HS2ST1: variants seen among roughly 807,000 people sequenced by gnomAD.
The protein encoded by HS2ST1 is 2-O-sulfotransferase.
Under a neutral mutation model 42.9 loss-of-function variants are expected in HS2ST1, and 18 were observed. The observed-to-expected ratio is 0.42, with a 90% CI of 0.29 to 0.62. HS2ST1 has a LOEUF of 0.62. HS2ST1 is among the 20% of genes least tolerant of loss of function. HS2ST1 has a pLI of 0.21. For missense variants in HS2ST1, 334 were observed against 433.8 expected, an observed-to-expected ratio of 0.77 and a Z score of 2.04; for synonymous variants, 146 against 152.9, an observed-to-expected ratio of 0.95 and a Z score of 0.33.
rs921143244 is a variant in HS2ST1 at position 87,107,912 on chromosome 1, T to C, written c.*3216T>C. ...ATGCATTTGTGCAACTTCAAACATA[T>C]TGGGTGCTTCTGAATTCCTGATGAT... On this transcript the variant is annotated 3_prime_UTR_variant, in exon 7 of 7. Transcript: ENST00000370550. 6.6e-6 allele frequency: 1 copy of C among 152,194 alleles called. No individual in the cohort carries two copies. The highest frequency in any genetic ancestry group is 2.1e-4 in the South Asian group (1 of 4,822). The allele number at this position is 152,194 out of a possible 1,614,324, so 9.4% of individuals were successfully genotyped here. A position where few individuals can be genotyped will look rare whatever the true frequency, so the allele number is the denominator to read the frequency against.
intron 1 of HS2ST1, among the ~76,000 whole-genome samples, chr1:86,945,673 A>G (rs1647310857): frequency 6.6e-6 from 1 of 152,240 alleles, no homozygotes; most frequent in East Asian, 1.9e-4. Context: ...GGGAAGAACC[A>G]TGATTATGAA....
At chr1:86,981,540 T>C (rs552653058) in intron 1 of HS2ST1, among the ~76,000 whole-genome samples, 2 of 152,172 alleles carry the variant, frequency 1.3e-5, no homozygotes, top group Non-Finnish European at 2.9e-5. Flanking sequence ...CATTGCAACT[T>C]GGAGAAATTG....
intron 1 of HS2ST1, among the ~76,000 whole-genome samples, chr1:86,944,745 G>A (rs1037248222): frequency 6.6e-6 from 1 of 151,996 alleles, no homozygotes; most frequent in Non-Finnish European, 1.5e-5. Context: ...AAATGCTGTG[G>A]TGTGCCTTTT....
intron 1 of HS2ST1, among the ~76,000 whole-genome samples, chr1:87,028,948 A>G (rs139028990): frequency 6.6e-6 from 1 of 152,326 alleles, no homozygotes; most frequent in African/African-American, 2.4e-5. Flanking sequence ...AGTTTGCCCT[A>G]GTGTTCTATT....
At chr1:87,016,102 G>A (rs951433896) in intron 1 of HS2ST1, among the ~76,000 whole-genome samples, 3 of 151,982 alleles carry the variant, frequency 2.0e-5, no homozygotes, top group African/African-American at 7.3e-5. Context: ...GGTGTGAGCC[G>A]CTGTGCCCGG....
At position 86,914,670 on chromosome 1, in the gene HS2ST1, G is replaced by T. The variant is rs531801974; in HGVS notation, c.-367G>T. 58 of 227,344 alleles carry T rather than the reference G, an allele frequency of 2.6e-4. No homozygotes were observed. Among genetic ancestry groups the T allele is most frequent in the Non-Finnish European group, 4.1e-4 (47 of 114,408 alleles). 14.1% of individuals were successfully genotyped at this position (227,344 alleles called of 1,614,324 possible). ...CGCCGGTGGAGGGGCGCGCGGCCGC[G>T]AGCAAAGGAGGGAGGGAAGGAAGGA... On this transcript the variant is annotated 5_prime_UTR_variant, in exon 1 of 7. Transcript: ENST00000370550.
At chr1:86,974,646 T>C (rs1275298634) in intron 1 of HS2ST1, among the ~76,000 whole-genome samples, 3 of 152,168 alleles carry the variant, frequency 2.0e-5, no homozygotes. Context: ...CTTTAAGCTG[T>C]GGGTTCTGCA....
chr1:87,073,153 T>A lies in HS2ST1; in HGVS notation c.344T>A (p.Val115Glu), dbSNP rs372236373. 2 of 1,607,582 alleles carry A rather than the reference T, an allele frequency of 1.2e-6. No individual in the cohort carries two copies. Among genetic ancestry groups the A allele is most frequent in the Non-Finnish European group, 1.7e-6 (2 of 1,174,066 alleles). Reference protein sequence around the residue: ...LHINTTKNNPVMSLQDQVRFV... With the variant: ...LHINTTKNNPEMSLQDQVRFV... ...ATCAACACTACCAAAAATAATCCAGTGATGTCATTGCAAGATCAGGTAATT... is the reference window on the plus strand; with the variant it reads ...ATCAACACTACCAAAAATAATCCAGAGATGTCATTGCAAGATCAGGTAATT... Residue 115 changes from valine (V) to glutamate (E), a missense_variant, in exon 2 of 7, where the codon GTG (valine) becomes GAG (glutamate). Val to Glu is a moderately radical substitution (Grantham distance 121). Coordinates refer to ENST00000370550, the MANE Select transcript of HS2ST1 (RefSeq NM_012262.4).
intron 1 of HS2ST1, among the ~76,000 whole-genome samples, chr1:86,987,620 C>T (rs78680678): frequency 6.6e-6 from 1 of 152,296 alleles, no homozygotes; most frequent in African/African-American, 2.4e-5. Flanking sequence ...ATTATCTTGC[C>T]TCTTCCTTGA....
chr1:87,032,788 C>A (rs1650271255), intron 1 of HS2ST1, among the ~76,000 whole-genome samples: 1 of 151,748 alleles, frequency 6.6e-6, no homozygotes. Flanking sequence ...TATTGTTGGC[C>A]TAAAAAAACT....
At chr1:87,060,850 A>G (rs942442794) in intron 1 of HS2ST1, among the ~76,000 whole-genome samples, 1 of 152,144 alleles carries the variant, frequency 6.6e-6, no homozygotes, top group South Asian at 2.1e-4. Flanking sequence ...GCAATAACAC[A>G]AAAAGAAAAG....
At chr1:86,949,013 C>T (rs1647421833) in intron 1 of HS2ST1, among the ~76,000 whole-genome samples, 1 of 152,020 alleles carries the variant, frequency 6.6e-6, no homozygotes, top group Non-Finnish European at 1.5e-5. Context: ...ACTTCTTTTA[C>T]CGTATTATTA....
chr1:86,969,537 T>TA (rs1648166979), intron 1 of HS2ST1, among the ~76,000 whole-genome samples: 1 of 152,178 alleles, frequency 6.6e-6, no homozygotes, highest in African/African-American at 2.4e-5. Flanking sequence ...TGTTACACAT[T>TA]AAAACACATA....
At position 86,915,031 on chromosome 1, in the gene HS2ST1, G is replaced by A; in HGVS notation, c.-6G>A. The A allele has an allele frequency of 6.2e-7, 1 of 1,614,132 alleles. No homozygotes were observed. The highest frequency in any genetic ancestry group is 8.5e-7 in the Non-Finnish European group (1 of 1,180,024). On this transcript the variant is annotated 5_prime_UTR_variant, in exon 1 of 7. Coordinates refer to ENST00000370550, the MANE Select transcript of HS2ST1 (RefSeq NM_012262.4). ...CGGTATGTCTTGATCCCGAGCAGCGGGTTTCATGGGGCTCCTCAGGATTAT... is the reference window on the plus strand; with the variant it reads ...CGGTATGTCTTGATCCCGAGCAGCGAGTTTCATGGGGCTCCTCAGGATTAT...
intron 1 of HS2ST1, among the ~76,000 whole-genome samples, chr1:87,025,084 G>T (rs1381300776): frequency 6.6e-6 from 1 of 152,202 alleles, no homozygotes; most frequent in Non-Finnish European, 1.5e-5. Flanking sequence ...TAGAGAATTG[G>T]TTACATAGGT....
intron 1 of HS2ST1, among the ~76,000 whole-genome samples, chr1:86,945,230 A>T (rs1170984618): frequency 6.6e-6 from 1 of 152,184 alleles, no homozygotes; most frequent in Non-Finnish European, 1.5e-5. Flanking sequence ...GTGAAAATGG[A>T]GTGCTCAACA....
rs1241369741 is a variant in HS2ST1 at position 87,101,149 on chromosome 1, GTTTTTTGTTTTTTT to G, written c.687-2276_687-2263del. On this transcript the variant is annotated intron_variant, in intron 5 of 6. Transcript: ENST00000370550. ...TCATCACTTTTGTGTGTGTGTGTGT[GTTTTTTGTTTTTTT>G]TTTTTTTTTTTTTTTTTTTTTTGAG... is the stretch of plus-strand genomic sequence containing the variant. Among the ~76,000 whole-genome samples the G allele has an allele frequency of 3.2e-3, 188 of 59,534 alleles. 2 individuals carry two copies. Among genetic ancestry groups the G allele is most frequent in the African/African-American group, 0.011 (164 of 15,258 alleles). The allele number at this position is 59,534 out of a possible 152,430, so 39.1% of individuals were successfully genotyped here.
intron 1 of HS2ST1, among the ~76,000 whole-genome samples, chr1:87,060,337 A>G (rs1252728037): frequency 6.6e-6 from 1 of 152,308 alleles, no homozygotes; most frequent in African/African-American, 2.4e-5. Context: ...CATTTGCAAA[A>G]AAAAGGTAGT....
intron 2 of HS2ST1, among the ~76,000 whole-genome samples, chr1:87,080,019 C>A (rs1456700129): frequency 6.6e-6 from 1 of 151,834 alleles, no homozygotes; most frequent in Non-Finnish European, 1.5e-5. Context: ...CTGTGCTGTC[C>A]GGCATGAGTG....
Sources: gnomAD v4.1 joint callset for allele counts (sites outside exome capture counted in the v4.1 genomes callset) on GRCh38, gnomAD v4.1.1 for gene constraint, MANE v1.5 for transcripts, NCBI Gene and HGNC (gene_info 2026-07-23, HGNC 2026-07-21) for gene names.